The following SLC4A8 variants were observed in gnomAD, a reference collection of about 807,000 sequenced individuals.
SLC4A8 encodes the protein solute carrier family 4 member 8, also known as electroneutral sodium bicarbonate exchanger 1.
In SLC4A8, 40 loss-of-function variants were observed where a neutral mutation model predicts 125.0. The ratio of observed to expected loss-of-function variants is 0.32; its 90% CI spans 0.25 to 0.42. The LOEUF is 0.42. Among genes scored for constraint, SLC4A8 ranks in the 10% least tolerant of loss-of-function variants. SLC4A8 has a pLI of 1.00. For missense variants in SLC4A8, 863 were observed against 1,355.1 expected, an observed-to-expected ratio of 0.64 and a Z score of 5.70; for synonymous variants, 456 against 476.0, an observed-to-expected ratio of 0.96 and a Z score of 0.55.
chr12:51,489,984 A>G (rs1373208286), intron 19 of SLC4A8, 33 bp downstream of exon 19: 3 of 1,606,280 alleles, frequency 1.9e-6, no homozygotes, highest in Non-Finnish European at 2.6e-6. Context: ...AGCAAATATC[A>G]AGGGCCTGAT....
chr12:51,411,736 T>A (rs570057496), intron 1 of SLC4A8, among the ~76,000 whole-genome samples: 2 of 152,206 alleles, frequency 1.3e-5, no homozygotes, highest in African/African-American at 4.8e-5. Flanking sequence ...TCTTCTGCAG[T>A]GTCAGTTGAA....
chr12:51,505,873 C>A lies in SLC4A8; in HGVS notation c.3212C>A (p.Pro1071His). 1 of 1,590,508 alleles carries A rather than the reference C, an allele frequency of 6.3e-7. No homozygotes were observed. Among genetic ancestry groups the A allele is most frequent in the Non-Finnish European group, 8.6e-7 (1 of 1,160,526 alleles). ...GAGATTAATATATCTGATGAAATGC[C>A]TAAAACTACAGTTTGGAAAGCTCTC... ...PSEINISDEM[P>H]KTTVWKALSM... Residue 1071 changes from proline (P) to histidine (H), a missense_variant, in exon 24 of 25, where the codon CCT becomes CAT. Pro to His is a moderately conservative substitution (Grantham distance 77, BLOSUM62 -2). Around this residue, in one of 6 missense-constraint regions of SLC4A8, gnomAD observed 92 missense variants for 125.6 expected, o/e 0.73. Coordinates refer to ENST00000453097, the MANE Select transcript of SLC4A8 (RefSeq NM_001039960.3).
Position 51,497,140 on chromosome 12 carries a change from C to T in SLC4A8, c.3081+16C>T, listed in dbSNP as rs1328606753. ...GGAGGAAGAGGTCATAGTCCTTGCACCAACTGTATACCTGGGGGCCTCAAA... is the reference window on the plus strand; with the variant it reads ...GGAGGAAGAGGTCATAGTCCTTGCATCAACTGTATACCTGGGGGCCTCAAA... On this transcript the variant is annotated intron_variant, in intron 22 of 24. Coordinates refer to ENST00000453097, the MANE Select transcript of SLC4A8 (RefSeq NM_001039960.3). The T allele has an allele frequency of 1.2e-6, 2 of 1,602,386 alleles. No homozygotes were observed. The highest frequency in any genetic ancestry group is 1.7e-6 in the Non-Finnish European group (2 of 1,176,852).
chr12:51,471,246 C>A, intron 13 of SLC4A8, 41 bp from the exon 14 acceptor site: 2 of 1,584,946 alleles, frequency 1.3e-6, no homozygotes, highest in Non-Finnish European at 1.7e-6. Context: ...CTCTTAATGC[C>A]ATCCATCCAT....
intron 1 of SLC4A8, among the ~76,000 whole-genome samples, chr12:51,433,757 A>C (rs1240074601): frequency 1.3e-5 from 2 of 151,234 alleles, no homozygotes; most frequent in East Asian, 3.9e-4. Flanking sequence ...CCTGAAATTT[A>C]TGGAACATTT....
At chr12:51,445,553 A>G (rs1041312703) in intron 2 of SLC4A8, among the ~76,000 whole-genome samples, 4 of 151,712 alleles carry the variant, frequency 2.6e-5, no homozygotes, top group African/African-American at 7.3e-5. Flanking sequence ...CTGTCCTTGT[A>G]CATCTCCTTT....
intron 3 of SLC4A8, 97 bp downstream of exon 3, chr12:51,451,119 T>G: frequency 9.5e-7 from 1 of 1,051,552 alleles, no homozygotes. Context: ...TCTTGATTCT[T>G]GAGCCTTTTT....
chr12:51,397,664 G>C (rs1948290199), intron 1 of SLC4A8, among the ~76,000 whole-genome samples: 2 of 152,064 alleles, frequency 1.3e-5, no homozygotes, highest in Admixed American at 1.3e-4. Context: ...GATATAGTCT[G>C]CTCTTTTTCT....
At chr12:51,421,038 A>G (rs946540671), upstream of SLC4A8, among the ~76,000 whole-genome samples, 4 of 151,576 alleles carry the variant, frequency 2.6e-5, no homozygotes, top group Admixed American at 1.3e-4. Flanking sequence ...GTGTGTGTGC[A>G]TGTGTTGTCT....
chr12:51,502,182 A>G (rs1937920580), intron 22 of SLC4A8: 1 of 152,250 alleles, frequency 6.6e-6, no homozygotes, highest in South Asian at 2.1e-4. Context: ...GTCAGATTAG[A>G]AATGATTCTC....
chr12:51,402,531 G>A (rs1948411514), intron 1 of SLC4A8, among the ~76,000 whole-genome samples: 1 of 152,114 alleles, frequency 6.6e-6, no homozygotes, highest in Non-Finnish European at 1.5e-5. Flanking sequence ...GGACCAGCCT[G>A]GCCAACATGG....
intron 10 of SLC4A8, among the ~76,000 whole-genome samples, chr12:51,463,054 C>T (rs1036465283): frequency 6.6e-6 from 1 of 151,880 alleles, no homozygotes; most frequent in African/African-American, 2.4e-5. Context: ...GTATACAAGT[C>T]ATCAAATGAA....
chr12:51,480,148 C>A, intron 16 of SLC4A8: 1 of 524,414 alleles, frequency 1.9e-6, no homozygotes, highest in Non-Finnish European at 3.1e-6. Flanking sequence ...CCCATGTTGG[C>A]CAGGATGGTC....
intron 14 of SLC4A8, 67 bp from the exon 15 acceptor site, chr12:51,474,275 G>T (rs868016354): frequency 6.6e-6 from 7 of 1,054,836 alleles, no homozygotes; most frequent in Middle Eastern, 4.2e-4. Context: ...TAAACCAGTT[G>T]TTCTAAAAAC....
chr12:51,438,198 C>T (rs903049155), intron 1 of SLC4A8, among the ~76,000 whole-genome samples: 2 of 152,112 alleles, frequency 1.3e-5, no homozygotes, highest in Admixed American at 6.5e-5. Flanking sequence ...TATAGTCATC[C>T]TACTATAGTA....
chr12:51,393,785 C>T (rs907759818), intron 1 of SLC4A8, among the ~76,000 whole-genome samples: 1 of 152,144 alleles, frequency 6.6e-6, no homozygotes, highest in Non-Finnish European at 1.5e-5. Context: ...CATTCCAGGC[C>T]GTGGGCTTTA....
Position 51,488,878 on chromosome 12 carries a change from C to T in SLC4A8, c.2448+18C>T, listed in dbSNP as rs747611992. ...AGCTCAAGGTAAAAAGAGGTTCTGACCTAGAAGGCTGCTGTGGCAACCTGT... is the reference window on the plus strand; with the variant it reads ...AGCTCAAGGTAAAAAGAGGTTCTGATCTAGAAGGCTGCTGTGGCAACCTGT... On this transcript the variant is annotated intron_variant, in intron 18 of 24. Transcript: ENST00000453097. 2 of 1,599,090 alleles carry T rather than the reference C, an allele frequency of 1.3e-6. No individual in the cohort carries two copies. The highest frequency in any genetic ancestry group is 3.4e-5 in the Admixed American group (2 of 58,326).
Position 51,454,513 on chromosome 12 carries a change from C to G in SLC4A8, c.574+814C>G, listed in dbSNP as rs1039905821. Reference sequence around the variant, plus strand: ...AGGGGGATGTGTCAGGGTCACAAGACAATTGTGGGGAGAGGGTCAGCAGAC... The same window carrying G: ...AGGGGGATGTGTCAGGGTCACAAGAGAATTGTGGGGAGAGGGTCAGCAGAC... On this transcript the variant is annotated intron_variant, in intron 5 of 24. Transcript: ENST00000453097. Among the ~76,000 whole-genome samples the G allele has an allele frequency of 3.8e-5, 5 of 130,822 alleles. No homozygotes were observed. In the Admixed American group the frequency reaches 3.8e-4, roughly 10 times the overall value. 85.8% of individuals were successfully genotyped at this position (130,822 alleles called of 152,430 possible).
chr12:51,491,801 CT>C (rs1298116074), intron 19 of SLC4A8, among the ~76,000 whole-genome samples: 2 of 150,826 alleles, frequency 1.3e-5, no homozygotes, highest in African/African-American at 4.9e-5. Context: ...GAAATGATGC[CT>C]TTTAAATCTT....
Sources: gnomAD v4.1 joint callset for allele counts (sites outside exome capture counted in the v4.1 genomes callset) on GRCh38, gnomAD v4.1.1 for gene constraint, gnomAD v4.1.1 regional missense constraint, MANE v1.5 for transcripts, NCBI Gene and HGNC (gene_info 2026-07-23, HGNC 2026-07-21) for gene names.